Variants in THSD4 observed in about 807,000 individuals in gnomAD.
THSD4 encodes the protein thrombospondin type-1 domain-containing protein 4.
A neutral mutation model predicts 119.0 loss-of-function variants in THSD4; 69 were observed. The observed-to-expected ratio is 0.58, with a 90% confidence interval of 0.48 to 0.71. The LOEUF (loss-of-function observed/expected upper bound fraction) is 0.71, where lower values mean the gene tolerates loss of function less well. Among genes scored for constraint, THSD4 ranks in the 30% least tolerant of loss-of-function variants. The pLI, the probability that THSD4 is intolerant of heterozygous loss-of-function variation, is 0.00. For missense variants in THSD4, 1,393 were observed against 1,391.1 expected, an observed-to-expected ratio of 1.00 and a Z score of -0.02; for synonymous variants, 524 against 540.4, an observed-to-expected ratio of 0.97 and a Z score of 0.42.
At chr15:71,396,367 A>G (rs1429328287) in intron 6 of THSD4, among the ~76,000 whole-genome samples, 4 of 152,176 alleles carry the variant, frequency 2.6e-5, no homozygotes, top group Non-Finnish European at 5.9e-5. Flanking sequence ...AGCAGGGGAT[A>G]GGAAGTCAAG....
At chr15:71,610,326 T>C (rs13379548) in intron 7 of THSD4, among the ~76,000 whole-genome samples, 27,277 of 152,214 alleles carry the variant, frequency 0.18, 2,672 homozygotes, top group African/African-American at 0.26. Flanking sequence ...CCTTGGTTTT[T>C]ATTCATTGTT....
At chr15:71,185,434 G>A (rs550839344) in intron 3 of THSD4, 10 of 151,764 alleles carry the variant, frequency 6.6e-5, no homozygotes, top group African/African-American at 2.2e-4. Flanking sequence ...CCTTGTTTTC[G>A]TTATGCTGAG....
At chr15:71,431,678 G>A (rs913532146) in intron 7 of THSD4, among the ~76,000 whole-genome samples, 3 of 152,058 alleles carry the variant, frequency 2.0e-5, no homozygotes, top group Admixed American at 6.5e-5. Flanking sequence ...AGACAGAAAC[G>A]TGGTCTTGGG....
At chr15:71,558,330 A>C (rs1316081189) in intron 7 of THSD4, among the ~76,000 whole-genome samples, 1 of 152,306 alleles carries the variant, frequency 6.6e-6, no homozygotes, top group South Asian at 2.1e-4. Flanking sequence ...TCTGTTTCAG[A>C]AAAAAATATA....
chr15:71,256,849 G>A, intron 6 of THSD4, 134 bp downstream of exon 6: 1 of 743,044 alleles, frequency 1.3e-6, no homozygotes, highest in Non-Finnish European at 2.2e-6. Context: ...GTGACTCCAG[G>A]GCAAAGAGAA....
intron 7 of THSD4, among the ~76,000 whole-genome samples, chr15:71,519,373 T>C (rs1446611823): frequency 6.6e-6 from 1 of 152,196 alleles, no homozygotes; most frequent in Non-Finnish European, 1.5e-5. Context: ...TCTTTTTCTT[T>C]TTTTGAGACG....
At chr15:71,410,803 G>A (rs1045668134) in intron 6 of THSD4, among the ~76,000 whole-genome samples, 9 of 152,112 alleles carry the variant, frequency 5.9e-5, no homozygotes, top group African/African-American at 2.2e-4. Context: ...AGGCCGAGGT[G>A]GGCGAATCAC....
Position 71,748,357 on chromosome 15 carries a change from A to G in THSD4, c.2242-64A>G, listed in dbSNP as rs1247983550. The G allele has an allele frequency of 1.9e-6, 3 of 1,589,454 alleles. No homozygotes were observed. In the African/African-American group the frequency reaches 4.0e-5, roughly 21 times the overall value. On this transcript the variant is annotated intron_variant, in intron 13 of 17. Transcript: ENST00000261862. ...TGATCACAAAGGCTGCGGGCTCCAT[A>G]CTGGCAATTCTCTCCCAGAGCTGAA...
intron 8 of THSD4, among the ~76,000 whole-genome samples, chr15:71,688,111 G>A (rs367817494): frequency 9.2e-5 from 14 of 152,074 alleles, no homozygotes; most frequent in East Asian, 1.9e-4. Context: ...GTATTTTCCC[G>A]TCTCTTCATA....
chr15:71,248,880 C>G (rs932725125), intron 5 of THSD4, among the ~76,000 whole-genome samples: 3 of 152,120 alleles, frequency 2.0e-5, no homozygotes, highest in Admixed American at 1.3e-4. Flanking sequence ...AGGTAAGAAT[C>G]GAGTACAGTT....
intron 13 of THSD4, among the ~76,000 whole-genome samples, chr15:71,747,848 C>G (rs1451577476): frequency 6.6e-6 from 1 of 152,188 alleles, no homozygotes; most frequent in South Asian, 2.1e-4. Context: ...CAATAATATT[C>G]TTTACTCTAA....
chr15:71,366,812 A>T (rs968907362), intron 6 of THSD4, among the ~76,000 whole-genome samples: 2 of 152,200 alleles, frequency 1.3e-5, no homozygotes, highest in Non-Finnish European at 2.9e-5. Context: ...TTAGATTTCC[A>T]GGTGGGAATT....
rs139101631 is a variant in THSD4 at position 71,349,242 on chromosome 15, T to C, written c.1016-62445T>C. Among the ~76,000 whole-genome samples the C allele has an allele frequency of 6.5e-3, 997 of 152,374 alleles. 11 individuals carry two copies. The highest frequency in any genetic ancestry group is 0.023 in the African/African-American group (954 of 41,594). Reference sequence around the variant, plus strand: ...TACAGGGATTAAAGTAGATATGTTGTATACAAAATGTAAATTGGATACAGA... The same window carrying C: ...TACAGGGATTAAAGTAGATATGTTGCATACAAAATGTAAATTGGATACAGA... On this transcript the variant is annotated intron_variant, in intron 6 of 17. Transcript: ENST00000261862.
rs1172846019 is a variant in THSD4 at position 71,243,175 on chromosome 15, G to A, written c.912+79G>A. 10 of 1,422,826 alleles carry A rather than the reference G, an allele frequency of 7.0e-6. No homozygotes were observed. The Admixed American group carries it at 1.6e-4, about 22-fold the overall frequency. 88.1% of individuals were successfully genotyped at this position (1,422,826 alleles called of 1,614,324 possible). On this transcript the variant is annotated intron_variant, in intron 5 of 17. Coordinates refer to ENST00000261862, the MANE Select transcript of THSD4 (RefSeq NM_024817.3). ...GTCATTTGGCACTAAGCATGATGAA[G>A]ACAGCAAGGATATGGTGTCTGGGCC...
chr15:71,541,298 G>A (rs368970375), intron 7 of THSD4, among the ~76,000 whole-genome samples: 21 of 152,168 alleles, frequency 1.4e-4, no homozygotes, highest in Admixed American at 1.1e-3. Context: ...TGTATGAAGT[G>A]CATTTTACAC....
chr15:71,157,150 C>T (rs373050852), intron 3 of THSD4, among the ~76,000 whole-genome samples: 26 of 152,244 alleles, frequency 1.7e-4, no homozygotes, highest in East Asian at 7.7e-4. Context: ...ATACTTTATA[C>T]GTGATCAATT....
intron 11 of THSD4, chr15:71,738,283 A>T: frequency 3.1e-6 from 1 of 323,260 alleles, no homozygotes. Flanking sequence ...ATGAGAATGT[A>T]ACGCCACCAC....
chr15:71,339,912 G>A (rs535907819), intron 6 of THSD4, among the ~76,000 whole-genome samples: 44 of 151,996 alleles, frequency 2.9e-4, no homozygotes, highest in Admixed American at 9.2e-4. Context: ...TTACAGTCGC[G>A]TGCCACCATG....
intron 4 of THSD4, among the ~76,000 whole-genome samples, chr15:71,222,988 C>T (rs920336196): frequency 2.0e-5 from 3 of 152,170 alleles, no homozygotes; most frequent in South Asian, 2.1e-4. Context: ...TAATAATACA[C>T]CTACCTCACT....
Sources: allele counts gnomAD v4.1 joint callset (sites outside exome capture counted in the v4.1 genomes callset), GRCh38; gene constraint gnomAD v4.1.1; transcripts MANE v1.5; gene names NCBI Gene and HGNC (gene_info 2026-07-23, HGNC 2026-07-21).